The following TRDN variants were observed in gnomAD, a reference collection of about 807,000 sequenced individuals.
TRDN encodes the protein triadin, also known as triadin in skeletal muscle.
A neutral mutation model predicts 149.7 loss-of-function variants in TRDN; 161 were observed. That is an observed-to-expected ratio of 1.08 (90% confidence interval 0.95 to 1.23). The LOEUF is 1.23. TRDN is among the 50% of genes most tolerant of loss of function. The pLI, the probability that TRDN is intolerant of heterozygous loss-of-function variation, is 0.00. For synonymous variants in TRDN, 294 were observed against 250.5 expected (o/e 1.17, Z -1.64); for missense variants, 896 against 823.5 (o/e 1.09, Z -1.08).
chr6:123,536,696 A>AATAAATAC (rs1461907967), intron 4 of TRDN, among the ~76,000 whole-genome samples: 1 of 143,034 alleles, frequency 7.0e-6, no homozygotes, highest in East Asian at 2.0e-4. Flanking sequence ...ACAATAAATA[A>AATAAATAC]ATAAATAAAT....
chr6:123,557,879 C>T (rs1781763694), intron 2 of TRDN, among the ~76,000 whole-genome samples: 1 of 151,482 alleles, frequency 6.6e-6, no homozygotes, highest in African/African-American at 2.4e-5. Flanking sequence ...GGACAACCTT[C>T]CACCCTCCAT....
intron 39 of TRDN, among the ~76,000 whole-genome samples, chr6:123,222,194 AGT>A (rs796090856): frequency 6.6e-6 from 1 of 150,624 alleles, no homozygotes; most frequent in Non-Finnish European, 1.5e-5. Context: ...GTTGTGAGAG[AGT>A]GTGTGTGTGT....
At chr6:123,438,919 G>A in intron 11 of TRDN, 25 bp downstream of exon 11, 1 of 1,527,602 alleles carries the variant, frequency 6.5e-7, no homozygotes, top group Non-Finnish European at 8.8e-7. Context: ...TGATTTATGT[G>A]GTACATGGCT....
chr6:123,510,881 T>C (rs1484681537), intron 7 of TRDN, among the ~76,000 whole-genome samples: 1 of 152,142 alleles, frequency 6.6e-6, no homozygotes, highest in African/African-American at 2.4e-5. Flanking sequence ...TGACCTCAAG[T>C]GATTCACCGG....
chr6:123,363,299 T>A lies in TRDN; in HGVS notation c.1321+2836A>T, dbSNP rs570615179. Among the ~76,000 whole-genome samples the A allele has an allele frequency of 2.0e-5, 3 of 152,294 alleles. No individual in the cohort carries two copies. In the East Asian group the frequency reaches 5.8e-4, roughly 29 times the overall value. On this transcript the variant is annotated intron_variant, in intron 20 of 40. Transcript: ENST00000334268. Reference sequence around the variant, plus strand: ...TGGGGATTGGGTAGTAAATACATGATGAGAACAATATATTTTTTCATGCAC... The same window carrying A: ...TGGGGATTGGGTAGTAAATACATGAAGAGAACAATATATTTTTTCATGCAC...
intron 19 of TRDN, among the ~76,000 whole-genome samples, chr6:123,367,014 T>C (rs528065013): frequency 1.3e-5 from 2 of 152,328 alleles, no homozygotes; most frequent in African/African-American, 4.8e-5. Flanking sequence ...TTCATTTGAA[T>C]GTTTCTTCAA....
chr6:123,329,308 C>A lies in TRDN; in HGVS notation c.1471+2571G>T, dbSNP rs564471905. Among the ~76,000 whole-genome samples, 129 of 152,254 alleles carry A rather than the reference C, an allele frequency of 8.5e-4. 2 individuals carry two copies. The highest frequency in any genetic ancestry group is 2.9e-3 in the African/African-American group (119 of 41,574). On this transcript the variant is annotated intron_variant, in intron 23 of 40. Transcript: ENST00000334268. ...AGATTAACACATAACAGATTAATTT[C>A]TCATTTAATTGTGTATGATATTGCC... is the stretch of plus-strand genomic sequence containing the variant.
chr6:123,600,238 G>A (rs1181625006), intron 1 of TRDN, among the ~76,000 whole-genome samples: 5 of 151,998 alleles, frequency 3.3e-5, no homozygotes, highest in Non-Finnish European at 7.4e-5. Flanking sequence ...TTTTGTATCT[G>A]AACCTGTATC....
intron 8 of TRDN, among the ~76,000 whole-genome samples, chr6:123,500,614 A>G (rs1778655773): frequency 6.6e-6 from 1 of 152,150 alleles, no homozygotes; most frequent in African/African-American, 2.4e-5. Context: ...TCCCCAAATA[A>G]ACATCCTTCT....
At chr6:123,243,728 AG>A (rs1233391194) in intron 38 of TRDN, among the ~76,000 whole-genome samples, 1 of 152,158 alleles carries the variant, frequency 6.6e-6, no homozygotes, top group Non-Finnish European at 1.5e-5. Flanking sequence ...ACTTGAAAAC[AG>A]GTCTTTGGAA....
intron 12 of TRDN, among the ~76,000 whole-genome samples, chr6:123,399,383 C>T (rs564716055): frequency 6.6e-6 from 1 of 152,188 alleles, no homozygotes; most frequent in Non-Finnish European, 1.5e-5. Flanking sequence ...ACCAAGGTAT[C>T]AATTAATTTA....
chr6:123,446,479 G>A lies in TRDN; in HGVS notation c.932-7476C>T, dbSNP rs180848496. On this transcript the variant is annotated intron_variant, in intron 10 of 40. Transcript: ENST00000334268. ...GGGCACCTGTAGCCCCAGCTGCTCCGGAGGCTGAAGCAGAAGAACGGCGTG... is the reference window on the plus strand; with the variant it reads ...GGGCACCTGTAGCCCCAGCTGCTCCAGAGGCTGAAGCAGAAGAACGGCGTG... Among the ~76,000 whole-genome samples the A allele has an allele frequency of 1.2e-4, 18 of 151,542 alleles. No homozygotes were observed. In the East Asian group the frequency reaches 2.9e-3, roughly 25 times the overall value.
chr6:123,269,845 T>C lies in TRDN; in HGVS notation c.1738+4A>G. ...TCTCAGGTGTTATTCTATTCATCTC[T>C]TACTTGTTGGTTTGGGCTTGGCTGT... On this transcript the variant is annotated splice_donor_region_variant and intron_variant, in intron 31 of 40. Coordinates refer to ENST00000334268, the MANE Select transcript of TRDN (RefSeq NM_006073.4). 6.2e-7 allele frequency: 1 copy of C among 1,610,690 alleles called. No homozygotes were observed.
intron 24 of TRDN, among the ~76,000 whole-genome samples, chr6:123,306,788 T>C (rs1778627246): frequency 6.6e-6 from 1 of 152,116 alleles, no homozygotes; most frequent in Non-Finnish European, 1.5e-5. Flanking sequence ...CATGAATTGC[T>C]ATTCTTTCTT....
intron 1 of TRDN, among the ~76,000 whole-genome samples, chr6:123,583,270 T>C (rs557311369): frequency 2.0e-5 from 3 of 151,342 alleles, no homozygotes; most frequent in South Asian, 4.2e-4. Context: ...TGAATAGGAG[T>C]ATGACTAGAC....
chr6:123,581,912 CAGATTGAAG>C (rs1783139103), intron 1 of TRDN, among the ~76,000 whole-genome samples: 1 of 152,010 alleles, frequency 6.6e-6, no homozygotes, highest in African/African-American at 2.4e-5. Context: ...TTTCCAAAAC[CAGATTGAAG>C]AGATTAAATG....
rs138924271 is a variant in TRDN at position 123,245,882 on chromosome 6, A to G, written c.1975+6530T>C. 5.5e-3 allele frequency among the ~76,000 whole-genome samples: 837 copies of G among 152,308 alleles called. 28 individuals are homozygous for G. The South Asian group carries it at 0.077, about 14-fold the overall frequency. On this transcript the variant is annotated intron_variant, in intron 38 of 40. Coordinates refer to ENST00000334268, the MANE Select transcript of TRDN (RefSeq NM_006073.4). ...CAAATGCAAAAGAATGTAAATCATA[A>G]CAGTCACTCAGATCACAGTGCAATC...
In TRDN at chr6:123,627,632, T is replaced by C. The variant is rs1785747818; in HGVS notation, c.22+9122A>G. ...CCCTAACAAGAGTCAGCCTAAACTT[T>C]GAAGCTTTGGAGCCAGGCATTGACT... On this transcript the variant is annotated intron_variant, in intron 1 of 40. Transcript: ENST00000334268. Among the ~76,000 whole-genome samples the C allele has an allele frequency of 1.3e-5, 2 of 152,204 alleles. 1 individual carries two copies. Among genetic ancestry groups the C allele is most frequent in the South Asian group, 4.1e-4 (2 of 4,832 alleles).
chr6:123,378,347 C>G (rs1177407709), intron 16 of TRDN, among the ~76,000 whole-genome samples: 1 of 152,014 alleles, frequency 6.6e-6, no homozygotes, highest in Non-Finnish European at 1.5e-5. Flanking sequence ...TGTTATAATT[C>G]TAGTTCACTG....
Sources: allele counts gnomAD v4.1 joint callset (sites outside exome capture counted in the v4.1 genomes callset), GRCh38; gene constraint gnomAD v4.1.1; transcripts MANE v1.5; gene names NCBI Gene and HGNC (gene_info 2026-07-23, HGNC 2026-07-21).